The following UCHL3 variants were observed in gnomAD, a reference collection of about 807,000 sequenced individuals.
The protein encoded by UCHL3 is ubiquitin carboxyl-terminal hydrolase isozyme L3.
A neutral mutation model predicts 35.8 loss-of-function variants in UCHL3; 22 were observed. The observed-to-expected ratio is 0.61, with a 90% CI of 0.44 to 0.88. UCHL3 has a LOEUF of 0.88. UCHL3 is among the 40% of genes least tolerant of loss of function. UCHL3 has a pLI of 0.00. For synonymous variants in UCHL3, 90 were observed against 92.8 expected, an observed-to-expected ratio of 0.97 and a Z score of 0.17; for missense variants, 229 against 276.9, an observed-to-expected ratio of 0.83 and a Z score of 1.23.
chr13:75,565,871 A>G (rs2031666666), intron 3 of UCHL3, among the ~76,000 whole-genome samples: 1 of 152,338 alleles, frequency 6.6e-6, no homozygotes, highest in South Asian at 2.1e-4. Flanking sequence ...ATAATTTGCT[A>G]AAGTCACACA....
At chr13:75,591,931 G>A (rs972964872) in intron 6 of UCHL3, among the ~76,000 whole-genome samples, 1 of 152,100 alleles carries the variant, frequency 6.6e-6, no homozygotes, top group African/African-American at 2.4e-5. Context: ...CAATGCTGCA[G>A]TTAGCATTTC....
At chr13:75,562,522 A>G (rs1231850963) in intron 3 of UCHL3, among the ~76,000 whole-genome samples, 1 of 152,132 alleles carries the variant, frequency 6.6e-6, no homozygotes, top group Non-Finnish European at 1.5e-5. Context: ...GTTGTAATGA[A>G]CAGTAAATAA....
chr13:75,564,335 A>G (rs1187650282), intron 3 of UCHL3, among the ~76,000 whole-genome samples: 1 of 151,906 alleles, frequency 6.6e-6, no homozygotes, highest in African/African-American at 2.4e-5. Flanking sequence ...TATTTTTAGT[A>G]GAGACGGGGT....
At chr13:75,604,872 T>A in intron 8 of UCHL3, 45 bp downstream of exon 8, 1 of 1,507,000 alleles carries the variant, frequency 6.6e-7, no homozygotes, top group Non-Finnish European at 9.1e-7. Flanking sequence ...TATTTTGTCA[T>A]CTTTAAAACA....
intron 3 of UCHL3, among the ~76,000 whole-genome samples, chr13:75,561,681 G>T (rs1362783973): frequency 6.6e-6 from 1 of 151,916 alleles, no homozygotes; most frequent in Non-Finnish European, 1.5e-5. Context: ...GCTTTAGGGT[G>T]TGTTGGGGAT....
At chr13:75,571,264 C>G (rs1246426123) in intron 6 of UCHL3, among the ~76,000 whole-genome samples, 3 of 152,168 alleles carry the variant, frequency 2.0e-5, no homozygotes, top group Admixed American at 6.5e-5. Context: ...TGCCATACTT[C>G]TCTTGCCCCA....
intron 6 of UCHL3, chr13:75,590,122 A>G (rs1197017364): frequency 7.7e-7 from 1 of 1,302,572 alleles, no homozygotes; most frequent in Non-Finnish European, 1.0e-6. Flanking sequence ...TTGGGTCTCC[A>G]TTCTGTTGTA....
chr13:75,549,763 AGCGGCGGCGGCGGCGAAG>A, upstream of UCHL3: 2 of 1,445,472 alleles, frequency 1.4e-6, no homozygotes, highest in Admixed American at 2.7e-5. Context: ...CGTGGGCGGA[AGCGGCGGCGGCGGCGAAG>A]GCGGCGGCTG....
intron 5 of UCHL3, among the ~76,000 whole-genome samples, chr13:75,568,804 G>T (rs2031767616): frequency 6.6e-6 from 1 of 151,990 alleles, no homozygotes; most frequent in Non-Finnish European, 1.5e-5. Flanking sequence ...GAAGTTGCTG[G>T]ATAAAATAGT....
chr13:75,600,923 T>G (rs1391035157), intron 7 of UCHL3, among the ~76,000 whole-genome samples: 1 of 152,212 alleles, frequency 6.6e-6, no homozygotes, highest in Non-Finnish European at 1.5e-5. Context: ...TCATGATTTA[T>G]GGGAAGAGCT....
At chr13:75,559,224 T>C (rs927617846) in intron 2 of UCHL3, among the ~76,000 whole-genome samples, 16 of 151,862 alleles carry the variant, frequency 1.1e-4, no homozygotes, top group African/African-American at 3.6e-4. Flanking sequence ...GTATTTTTAG[T>C]AGAGACGGGG....
chr13:75,560,682 T>G (rs2031461302), intron 2 of UCHL3, 71 bp from the exon 3 acceptor site: 1 of 1,385,200 alleles, frequency 7.2e-7, no homozygotes, highest in Admixed American at 2.4e-5. Flanking sequence ...TTTAACACTA[T>G]GTATAGTATA....
chr13:75,563,796 T>C (rs908696355), intron 3 of UCHL3, among the ~76,000 whole-genome samples: 1 of 152,220 alleles, frequency 6.6e-6, no homozygotes, highest in Non-Finnish European at 1.5e-5. Context: ...CTTTTCCATG[T>C]ATCAGTGATA....
intron 6 of UCHL3, among the ~76,000 whole-genome samples, chr13:75,587,657 T>G (rs887701892): frequency 3.3e-5 from 5 of 152,176 alleles, no homozygotes; most frequent in Admixed American, 1.3e-4. Flanking sequence ...TCTGGGTGTT[T>G]CCTGTATTAT....
chr13:75,573,226 T>C (rs1167023840), intron 6 of UCHL3, among the ~76,000 whole-genome samples: 1 of 145,322 alleles, frequency 6.9e-6, no homozygotes, highest in Non-Finnish European at 1.5e-5. Context: ...ATCCCACCAC[T>C]GCACTTCAGG....
At chr13:75,576,146 C>T (rs1401013367) in intron 6 of UCHL3, among the ~76,000 whole-genome samples, 4 of 152,180 alleles carry the variant, frequency 2.6e-5, no homozygotes, top group Admixed American at 2.6e-4. Flanking sequence ...TATATCCTAG[C>T]TTGGGATAGG....
At chr13:75,580,560 C>T (rs147892375) in intron 6 of UCHL3, among the ~76,000 whole-genome samples, 38 of 152,338 alleles carry the variant, frequency 2.5e-4, no homozygotes, top group African/African-American at 7.7e-4. Flanking sequence ...CTCTCCCTCT[C>T]CCTCTCCTCA....
At chr13:75,600,112 G>C (rs1317228548) in intron 7 of UCHL3, among the ~76,000 whole-genome samples, 2 of 152,212 alleles carry the variant, frequency 1.3e-5, no homozygotes, top group Non-Finnish European at 2.9e-5. Flanking sequence ...CCTCTTTTCA[G>C]TTCTGTTAAG....
chr13:75,562,014 C>T (rs1381676522), intron 3 of UCHL3, among the ~76,000 whole-genome samples: 2 of 151,744 alleles, frequency 1.3e-5, no homozygotes, highest in African/African-American at 4.8e-5. Flanking sequence ...AGGATGATTG[C>T]AGTAGTTATG....
Sources: gnomAD v4.1 joint callset for allele counts (sites outside exome capture counted in the v4.1 genomes callset) on GRCh38, gnomAD v4.1.1 for gene constraint, MANE v1.5 for transcripts, NCBI Gene and HGNC (gene_info 2026-07-23, HGNC 2026-07-21) for gene names.